Variants in CCDC138 observed in about 807,000 individuals in gnomAD.
CCDC138 encodes coiled-coil domain-containing protein 138.
A neutral mutation model predicts 82.3 loss-of-function variants in CCDC138; 66 were observed. The ratio of observed to expected loss-of-function variants is 0.80; its 90% CI spans 0.66 to 0.98. The LOEUF is 0.98. Ranked by LOEUF, CCDC138 falls within the 50% of genes least tolerant of loss-of-function variation. The pLI is 0.00. For synonymous variants in CCDC138, 297 were observed against 265.4 expected (o/e 1.12, Z -1.16); for missense variants, 816 against 758.9 (o/e 1.08, Z -0.88).
intron 13 of CCDC138, among the ~76,000 whole-genome samples, chr2:108,872,845 C>T (rs1255763683): frequency 6.6e-6 from 1 of 152,204 alleles, no homozygotes; most frequent in African/African-American, 2.4e-5. Flanking sequence ...CTCATGTCCT[C>T]ATAAACAAAA....
intron 12 of CCDC138, among the ~76,000 whole-genome samples, chr2:108,850,841 CAGA>C (rs199832852): frequency 0.018 from 2,806 of 152,196 alleles, 72 homozygotes; most frequent in African/African-American, 0.065. Flanking sequence ...ATCATCCACA[CAGA>C]AGAAGACTTC....
At chr2:108,883,465 C>G (rs1320961260) in intron 2 of CCDC138, 2 of 152,230 alleles carry the variant, frequency 1.3e-5, no homozygotes, top group South Asian at 4.1e-4. Flanking sequence ...GATGAAGATC[C>G]AGACATAACC....
intron 12 of CCDC138, among the ~76,000 whole-genome samples, chr2:108,850,966 G>A (rs1161743263): frequency 6.6e-6 from 1 of 152,032 alleles, no homozygotes; most frequent in Non-Finnish European, 1.5e-5. Context: ...CCACAAGTTG[G>A]GCACTCAAGT....
chr2:108,854,724 C>T (rs1692319983), intron 12 of CCDC138, among the ~76,000 whole-genome samples: 1 of 152,080 alleles, frequency 6.6e-6, no homozygotes, highest in South Asian at 2.1e-4. Flanking sequence ...CTTGGTTCTG[C>T]TGTTCTTTCT....
chr2:108,838,469 A>G (rs2150405729), intron 10 of CCDC138, among the ~76,000 whole-genome samples: 1 of 152,310 alleles, frequency 6.6e-6, no homozygotes, highest in South Asian at 2.1e-4. Flanking sequence ...AGCAATAAAT[A>G]TCTTTGTACA....
intron 6 of CCDC138, among the ~76,000 whole-genome samples, chr2:108,800,875 GTGTTTGGT>G (rs1405670374): frequency 8.2e-6 from 1 of 122,286 alleles, no homozygotes; most frequent in African/African-American, 3.1e-5. Context: ...AGAATATGCG[GTGTTTGGT>G]TTTTTGTTCT....
At chr2:108,875,637 C>T (rs750285456) in intron 14 of CCDC138, among the ~76,000 whole-genome samples, 5 of 152,170 alleles carry the variant, frequency 3.3e-5, no homozygotes, top group Admixed American at 6.5e-5. Context: ...GAAGGAGGAT[C>T]GCCTGAGCCC....
At chr2:108,789,938 T>A (rs1453632476) in intron 3 of CCDC138, among the ~76,000 whole-genome samples, 1 of 152,200 alleles carries the variant, frequency 6.6e-6, no homozygotes, top group Non-Finnish European at 1.5e-5. Flanking sequence ...CATTTTGAAA[T>A]AAAGATGTAT....
At chr2:108,877,050 A>C (rs919592742), downstream of CCDC138, among the ~76,000 whole-genome samples, 3 of 152,204 alleles carry the variant, frequency 2.0e-5, no homozygotes, top group Non-Finnish European at 2.9e-5. Flanking sequence ...AGTTAGAAGA[A>C]ATTTTCAAGA....
chr2:108,854,222 T>TA (rs1692248396), intron 12 of CCDC138, among the ~76,000 whole-genome samples: 1 of 150,136 alleles, frequency 6.7e-6, no homozygotes, highest in African/African-American at 2.5e-5. Flanking sequence ...ATTGTGAGCT[T>TA]ATACTTTAGG....
chr2:108,788,784 T>G, intron 2 of CCDC138, 68 bp from the exon 3 acceptor site: 1 of 1,594,262 alleles, frequency 6.3e-7, no homozygotes. Context: ...TTTAGACTTA[T>G]GGCCAGTGCC....
At chr2:108,874,715 T>C (rs1280181939) in intron 14 of CCDC138, among the ~76,000 whole-genome samples, 1 of 152,162 alleles carries the variant, frequency 6.6e-6, no homozygotes, top group Non-Finnish European at 1.5e-5. Flanking sequence ...TAATAAATTA[T>C]TGTCAAATTA....
chr2:108,788,198 C>T, intron 2 of CCDC138, 109 bp downstream of exon 2: 1 of 1,073,650 alleles, frequency 9.3e-7, no homozygotes, highest in Non-Finnish European at 1.3e-6. Context: ...GCAGGCGAAT[C>T]ACCTGAGGTC....
chr2:108,802,494 T>C (rs1446154042), intron 6 of CCDC138, among the ~76,000 whole-genome samples: 1 of 145,460 alleles, frequency 6.9e-6, no homozygotes, highest in Non-Finnish European at 1.5e-5. Flanking sequence ...CCTGAGACTT[T>C]GCTGAAGTTG....
At chr2:108,815,052 AG>A (rs1684525492) in intron 9 of CCDC138, among the ~76,000 whole-genome samples, 1 of 152,216 alleles carries the variant, frequency 6.6e-6, no homozygotes, top group South Asian at 2.1e-4. Flanking sequence ...AATAATACTT[AG>A]TCTAATTAAA....
intron 13 of CCDC138, among the ~76,000 whole-genome samples, chr2:108,859,909 T>C (rs2104759838): frequency 6.6e-6 from 1 of 152,270 alleles, no homozygotes; most frequent in East Asian, 1.9e-4. Context: ...ACCATTTAAA[T>C]GATCTTAATT....
At chr2:108,865,791 G>T (rs1043825250) in intron 13 of CCDC138, among the ~76,000 whole-genome samples, 3 of 152,086 alleles carry the variant, frequency 2.0e-5, no homozygotes, top group African/African-American at 7.2e-5. Context: ...GTTTTTGCCT[G>T]CTTACTCCGT....
At chr2:108,881,445 C>T (rs1284496275), downstream of CCDC138, among the ~76,000 whole-genome samples, 1 of 152,200 alleles carries the variant, frequency 6.6e-6, no homozygotes, top group East Asian at 1.9e-4. Context: ...AGCAATAAGG[C>T]TGCTGTGTTT....
chr2:108,789,947 A>G (rs777062336), intron 3 of CCDC138, among the ~76,000 whole-genome samples: 2 of 152,258 alleles, frequency 1.3e-5, no homozygotes, highest in East Asian at 1.9e-4. Context: ...ATAAAGATGT[A>G]TCCATATATA....
Sources: allele counts gnomAD v4.1 joint callset (sites outside exome capture counted in the v4.1 genomes callset), GRCh38; gene constraint gnomAD v4.1.1; transcripts MANE v1.5; gene names NCBI Gene and HGNC (gene_info 2026-07-23, HGNC 2026-07-21).